The following TMEM132D variants were observed in gnomAD, a reference collection of about 807,000 sequenced individuals.
The protein encoded by TMEM132D is mature OL transmembrane protein.
TMEM132D carries 21 observed loss-of-function variants against 62.3 expected under a neutral mutation model. The ratio of observed to expected loss-of-function variants is 0.34; its 90% CI spans 0.24 to 0.49. The LOEUF is 0.49. Ranked by LOEUF, TMEM132D falls within the 20% of genes least tolerant of loss-of-function variation. The pLI, the probability that TMEM132D is intolerant of heterozygous loss-of-function variation, is 0.99. For synonymous variants in TMEM132D, 621 were observed against 575.6 expected, an observed-to-expected ratio of 1.08 and a Z score of -1.13; for missense variants, 1,346 against 1,402.8, an observed-to-expected ratio of 0.96 and a Z score of 0.65.
chr12:129,236,917 TAA>T (rs574972622), intron 4 of TMEM132D, among the ~76,000 whole-genome samples: 195 of 152,344 alleles, frequency 1.3e-3, no homozygotes, highest in African/African-American at 4.4e-3. Flanking sequence ...CCTACAGTGA[TAA>T]GAGTTTTTAT....
intron 3 of TMEM132D, among the ~76,000 whole-genome samples, chr12:129,412,537 G>T (rs1325236486): frequency 2.6e-5 from 4 of 152,002 alleles, no homozygotes; most frequent in African/African-American, 9.7e-5. Context: ...TCTTCCTACA[G>T]AGAAGGAAGA....
chr12:129,299,627 G>GC (rs1881660330), intron 4 of TMEM132D, among the ~76,000 whole-genome samples: 2 of 99,072 alleles, frequency 2.0e-5, no homozygotes, highest in Non-Finnish European at 1.8e-5. Flanking sequence ...TGAACAATCA[G>GC]GTTTTTTTTT....
rs143287249 is a variant in TMEM132D, at chr12:129,246,659, G to A, written c.1300-36996C>T. 6.0e-3 allele frequency among the ~76,000 whole-genome samples: 920 copies of A among 152,140 alleles called. 6 individuals are homozygous for A. The highest frequency in any genetic ancestry group is 0.02 in the Middle Eastern group (6 of 294). On this transcript the variant is annotated intron_variant, in intron 4 of 8. Transcript: ENST00000422113. ...ATCCCAGCTATAATCCCAGCTACTC[G>A]GGAGACTGAGGCAGGAGAGTCTCTT...
intron 2 of TMEM132D, among the ~76,000 whole-genome samples, chr12:129,644,176 T>G (rs1388924978): frequency 6.6e-6 from 1 of 152,148 alleles, no homozygotes; most frequent in Non-Finnish European, 1.5e-5. Context: ...CTCCTTAAAA[T>G]ATATAAAACC....
At chr12:129,160,032 C>G (rs1877357171) in intron 5 of TMEM132D, among the ~76,000 whole-genome samples, 1 of 152,110 alleles carries the variant, frequency 6.6e-6, no homozygotes, top group Non-Finnish European at 1.5e-5. Flanking sequence ...GGATGAAACA[C>G]CCTCCATTGA....
intron 4 of TMEM132D, among the ~76,000 whole-genome samples, chr12:129,216,211 G>A (rs778316855): frequency 3.9e-5 from 6 of 152,184 alleles, no homozygotes; most frequent in Non-Finnish European, 7.3e-5. Flanking sequence ...GATTTGGTGC[G>A]TTAGTATTTG....
intron 5 of TMEM132D, among the ~76,000 whole-genome samples, chr12:129,193,157 C>A (rs1446331294): frequency 2.2e-4 from 25 of 114,936 alleles, no homozygotes; most frequent in South Asian, 6.0e-4. Flanking sequence ...GATTCTGTCT[C>A]AAAAAAAAAA....
intron 5 of TMEM132D, among the ~76,000 whole-genome samples, chr12:129,153,419 G>T (rs1454394531): frequency 1.3e-5 from 2 of 151,906 alleles, no homozygotes; most frequent in East Asian, 3.9e-4. Flanking sequence ...TGCTCTGAAG[G>T]TTTTGCCGTT....
At chr12:129,696,447 G>A (rs944185436) in intron 2 of TMEM132D, among the ~76,000 whole-genome samples, 6 of 152,208 alleles carry the variant, frequency 3.9e-5, no homozygotes, top group Non-Finnish European at 4.4e-5. Flanking sequence ...CTGCCTTTAA[G>A]AACAGCCCCT....
intron 3 of TMEM132D, among the ~76,000 whole-genome samples, chr12:129,354,632 A>AT (rs988337717): frequency 3.9e-4 from 60 of 152,170 alleles, no homozygotes; most frequent in African/African-American, 5.8e-4. Flanking sequence ...TTTATTGGGT[A>AT]TTTTTTTAAT....
chr12:129,664,667 T>C (rs11060488), intron 2 of TMEM132D, among the ~76,000 whole-genome samples: 37,330 of 151,890 alleles, frequency 0.25, 5,083 homozygotes, highest in African/African-American at 0.36. Context: ...ACTCATGATC[T>C]GCCTGTCTCA....
At chr12:129,707,919 G>A (rs139119513) in intron 1 of TMEM132D, among the ~76,000 whole-genome samples, 2 of 152,262 alleles carry the variant, frequency 1.3e-5, no homozygotes, top group African/African-American at 4.8e-5. Context: ...AAAACTGTAA[G>A]TATGAAATAA....
chr12:129,093,376 C>G (rs1471341887), intron 5 of TMEM132D, among the ~76,000 whole-genome samples: 1 of 152,096 alleles, frequency 6.6e-6, no homozygotes, highest in Admixed American at 6.5e-5. Flanking sequence ...CACAAGCATT[C>G]TTATACACCA....
Position 129,903,969 on chromosome 12 carries a change from C to T in TMEM132D, c.-630G>A, listed in dbSNP as rs1410541283. ...GCTGCTCCCCGGCCGCCGCCTCGGCCCGCCCGGCCCCGGGCCCGGCTGGGG... is the reference window on the plus strand; with the variant it reads ...GCTGCTCCCCGGCCGCCGCCTCGGCTCGCCCGGCCCCGGGCCCGGCTGGGG... On this transcript the variant is annotated 5_prime_UTR_variant, in exon 1 of 9. Coordinates refer to ENST00000422113, the MANE Select transcript of TMEM132D (RefSeq NM_133448.3). This position sits in a 1 kb window ranked among gnomAD's most constrained non-coding sequence, Gnocchi z 6.2. Among the ~76,000 whole-genome samples, 4 of 148,548 alleles carry T rather than the reference C, an allele frequency of 2.7e-5. No homozygotes were observed. The highest frequency in any genetic ancestry group is 6.7e-5 in the Admixed American group (1 of 14,916).
At chr12:129,896,912 CTA>C (rs1364044020) in intron 1 of TMEM132D, among the ~76,000 whole-genome samples, 2 of 152,154 alleles carry the variant, frequency 1.3e-5, no homozygotes, top group African/African-American at 4.8e-5. Context: ...TGTTCTAAAA[CTA>C]TGTACTTCAG....
intron 3 of TMEM132D, among the ~76,000 whole-genome samples, chr12:129,515,378 G>T (rs1302482381): frequency 6.6e-6 from 1 of 152,130 alleles, no homozygotes; most frequent in Non-Finnish European, 1.5e-5. Flanking sequence ...ATGAACAAAT[G>T]AATGAACAAA....
At chr12:129,836,423 C>A (rs1873005723) in intron 1 of TMEM132D, among the ~76,000 whole-genome samples, 1 of 151,968 alleles carries the variant, frequency 6.6e-6, no homozygotes, top group African/African-American at 2.4e-5. Flanking sequence ...TTCCTATGAT[C>A]AGCAGAATTG....
At chr12:129,518,134 A>C (rs1031908345) in intron 3 of TMEM132D, among the ~76,000 whole-genome samples, 1 of 152,214 alleles carries the variant, frequency 6.6e-6, no homozygotes, top group African/African-American at 2.4e-5. Flanking sequence ...ATACCTTGAC[A>C]GTTCCCTTCA....
intron 3 of TMEM132D, among the ~76,000 whole-genome samples, chr12:129,506,854 T>G (rs1566091434): frequency 6.6e-6 from 1 of 151,936 alleles, no homozygotes; most frequent in African/African-American, 2.4e-5. Context: ...CAAAGACAAA[T>G]AGCTGGGGCT....
Sources: allele counts gnomAD v4.1 joint callset (sites outside exome capture counted in the v4.1 genomes callset), GRCh38; gene constraint gnomAD v4.1.1; non-coding constraint Gnocchi (gnomAD v3.1); transcripts MANE v1.5; gene names NCBI Gene and HGNC (gene_info 2026-07-23, HGNC 2026-07-21).